WWTR1: variants seen among roughly 807,000 people sequenced by gnomAD.
WWTR1 encodes WW domain containing transcription regulator 1.
A neutral mutation model predicts 40.1 loss-of-function variants in WWTR1; 13 were observed. The observed-to-expected ratio is 0.32, with a 90% CI of 0.21 to 0.52. The LOEUF (loss-of-function observed/expected upper bound fraction) is 0.52. Ranked by LOEUF, WWTR1 falls within the 20% of genes least tolerant of loss-of-function variation. WWTR1 has a pLI of 0.97. For missense variants in WWTR1, 436 were observed against 523.1 expected (o/e 0.83, Z 1.63); for synonymous variants, 230 against 210.1 (o/e 1.09, Z -0.82).
chr3:149,648,517 G>GCAT (rs1415321857), intron 2 of WWTR1, among the ~76,000 whole-genome samples: 2 of 152,200 alleles, frequency 1.3e-5, no homozygotes, highest in Non-Finnish European at 2.9e-5. Flanking sequence ...AGGAGCAGCA[G>GCAT]CATCTAATCC....
At chr3:149,705,984 G>A (rs1559846535), upstream of WWTR1, among the ~76,000 whole-genome samples, 1 of 152,112 alleles carries the variant, frequency 6.6e-6, no homozygotes, top group Non-Finnish European at 1.5e-5. Context: ...TTGAGTCCAG[G>A]AGTTTGAGAC....
intron 2 of WWTR1, among the ~76,000 whole-genome samples, chr3:149,622,498 G>GA (rs1560089724): frequency 0.03 from 1,498 of 50,654 alleles, 12 homozygotes; most frequent in South Asian, 0.058. Flanking sequence ...AGGAAGGAAG[G>GA]AAGGAAGAAA....
intron 3 of WWTR1, among the ~76,000 whole-genome samples, chr3:149,556,382 C>A (rs908032806): frequency 2.0e-5 from 3 of 152,238 alleles, no homozygotes; most frequent in Middle Eastern, 3.4e-3. Context: ...AGTTCCAGAC[C>A]AGCCTTGCCA....
chr3:149,581,465 C>T (rs200964704), intron 2 of WWTR1, among the ~76,000 whole-genome samples: 8 of 152,100 alleles, frequency 5.3e-5, no homozygotes, highest in Non-Finnish European at 8.8e-5. Flanking sequence ...TGAAAGTTTC[C>T]GGTCAGATTT....
At chr3:149,550,122 T>C (rs958561897) in intron 3 of WWTR1, among the ~76,000 whole-genome samples, 3 of 152,188 alleles carry the variant, frequency 2.0e-5, no homozygotes, top group Non-Finnish European at 4.4e-5. Flanking sequence ...ACGTGCCCAG[T>C]GAATACCAGG....
At chr3:149,573,076 G>C in intron 2 of WWTR1, 76 bp from the exon 3 acceptor site, 2 of 1,406,790 alleles carry the variant, frequency 1.4e-6, no homozygotes, top group Non-Finnish European at 1.9e-6. Flanking sequence ...CAGCATAATA[G>C]TTAATGACAC....
At chr3:149,533,785 C>T (rs1053213093) in intron 4 of WWTR1, among the ~76,000 whole-genome samples, 1 of 152,020 alleles carries the variant, frequency 6.6e-6, no homozygotes, top group Non-Finnish European at 1.5e-5. Flanking sequence ...GTTTATAAGA[C>T]TGATCTTGCT....
chr3:149,719,239 G>C (rs563692923), intron 4 of WWTR1, among the ~76,000 whole-genome samples: 1 of 151,106 alleles, frequency 6.6e-6, no homozygotes. Flanking sequence ...CATCATCTTG[G>C]GGCTCACTGC....
chr3:149,622,502 G>GAAAGAAAGAAAAGAAAGAAAGAAAGA (rs1553800284), intron 2 of WWTR1, among the ~76,000 whole-genome samples: 1 of 46,298 alleles, frequency 2.2e-5, no homozygotes, highest in African/African-American at 8.0e-5. Context: ...AGGAAGGAAG[G>GAAAGAAAGAAAAGAAAGAAAGAAAGA]AAGAAAGAAA....
intron 3 of WWTR1, among the ~76,000 whole-genome samples, chr3:149,556,891 T>G (rs1377243806): frequency 3.3e-5 from 5 of 152,060 alleles, no homozygotes; most frequent in Non-Finnish European, 7.4e-5. Flanking sequence ...AAAACTACAG[T>G]TCTGGATTTT....
intron 2 of WWTR1, among the ~76,000 whole-genome samples, chr3:149,597,140 T>C (rs375861795): frequency 1.4e-4 from 22 of 152,206 alleles, no homozygotes; most frequent in East Asian, 3.8e-4. Context: ...GGCTTCACAA[T>C]AACTGTTAGG....
chr3:149,575,302 T>G (rs1737833202), intron 2 of WWTR1, among the ~76,000 whole-genome samples: 1 of 152,220 alleles, frequency 6.6e-6, no homozygotes. Context: ...GCCTTCCAAG[T>G]GAGGAACTAA....
intron 2 of WWTR1, among the ~76,000 whole-genome samples, chr3:149,627,800 C>T (rs1365105036): frequency 1.3e-5 from 2 of 151,278 alleles, no homozygotes; most frequent in Admixed American, 6.6e-5. Flanking sequence ...TGGCCGGGCG[C>T]GGTGGCTCAC....
intron 2 of WWTR1, among the ~76,000 whole-genome samples, chr3:149,644,871 G>A (rs1366316017): frequency 2.0e-5 from 3 of 151,914 alleles, no homozygotes; most frequent in African/African-American, 7.3e-5. Context: ...TTATTTTTTT[G>A]AGACAGAGTC....
At chr3:149,650,841 T>C (rs187835239) in intron 2 of WWTR1, among the ~76,000 whole-genome samples, 2 of 152,354 alleles carry the variant, frequency 1.3e-5, no homozygotes, top group Non-Finnish European at 2.9e-5. Context: ...TCTAACTCCT[T>C]ATTTTAAACT....
intron 1 of WWTR1, among the ~76,000 whole-genome samples, chr3:149,672,774 G>C (rs1576635220): frequency 6.9e-6 from 1 of 145,328 alleles, no homozygotes; most frequent in Admixed American, 6.9e-5. Context: ...AATGGAAGAA[G>C]TTTTTTCCTT....
intron 4 of WWTR1, among the ~76,000 whole-genome samples, chr3:149,718,253 G>T (rs1327375288): frequency 2.0e-5 from 3 of 152,008 alleles, no homozygotes; most frequent in African/African-American, 7.3e-5. Flanking sequence ...GTATCTCAAA[G>T]AAGCAGGATT....
intron 2 of WWTR1, among the ~76,000 whole-genome samples, chr3:149,627,811 G>T (rs1003525416): frequency 1.3e-5 from 2 of 152,172 alleles, no homozygotes; most frequent in African/African-American, 4.8e-5. Context: ...GGTGGCTCAC[G>T]CCTGTAATCC....
At chr3:149,531,110 T>C (rs1735556506) in intron 4 of WWTR1, among the ~76,000 whole-genome samples, 1 of 152,126 alleles carries the variant, frequency 6.6e-6, no homozygotes, top group Non-Finnish European at 1.5e-5. Context: ...AATTTTTGTA[T>C]TTTTAGTGGA....
Sources: gnomAD v4.1 joint callset for allele counts (sites outside exome capture counted in the v4.1 genomes callset) on GRCh38, gnomAD v4.1.1 for gene constraint, MANE v1.5 for transcripts, NCBI Gene and HGNC (gene_info 2026-07-23, HGNC 2026-07-21) for gene names.